GPC6: variants seen among roughly 807,000 people sequenced by gnomAD.
GPC6 encodes the protein glypican 6.
GPC6 carries 14 observed loss-of-function variants against 55.2 expected under a neutral mutation model. The observed-to-expected ratio is 0.25, with a 90% CI of 0.17 to 0.40. The LOEUF (loss-of-function observed/expected upper bound fraction) is 0.40. GPC6 is among the 10% of genes least tolerant of loss of function. The pLI, the probability that GPC6 is intolerant of heterozygous loss-of-function variation, is 1.00. For synonymous variants in GPC6, 278 were observed against 259.6 expected (o/e 1.07, Z -0.68); for missense variants, 641 against 708.5 (o/e 0.90, Z 1.08).
chr13:93,585,147 G>A (rs1431380255), intron 2 of GPC6, among the ~76,000 whole-genome samples: 1 of 152,184 alleles, frequency 6.6e-6, no homozygotes, highest in Non-Finnish European at 1.5e-5. Context: ...CAACCGATAT[G>A]TGATGTAGTT....
chr13:93,856,408 G>A (rs1888612619), intron 3 of GPC6, among the ~76,000 whole-genome samples: 1 of 151,470 alleles, frequency 6.6e-6, no homozygotes, highest in African/African-American at 2.4e-5. Flanking sequence ...CAGGTGCTGT[G>A]GTAGGCAGAG....
intron 6 of GPC6, among the ~76,000 whole-genome samples, chr13:94,350,321 C>G (rs1033077248): frequency 6.6e-6 from 1 of 152,090 alleles, no homozygotes; most frequent in African/African-American, 2.4e-5. Flanking sequence ...GGTGGACTAA[C>G]TTCATCAGAG....
chr13:93,949,082 C>T (rs540430854), intron 3 of GPC6, among the ~76,000 whole-genome samples: 5 of 152,220 alleles, frequency 3.3e-5, no homozygotes, highest in African/African-American at 1.2e-4. Flanking sequence ...GGGTCTTCTG[C>T]GTTGTTGGGA....
At chr13:94,339,254 A>AGAG (rs1351333878) in intron 6 of GPC6, among the ~76,000 whole-genome samples, 13 of 151,982 alleles carry the variant, frequency 8.6e-5, no homozygotes, top group Non-Finnish European at 1.5e-5. Flanking sequence ...TATAGAGACA[A>AGAG]GAGTTTTGCC....
At chr13:94,282,146 A>G (rs1318338011) in intron 4 of GPC6, among the ~76,000 whole-genome samples, 2 of 152,214 alleles carry the variant, frequency 1.3e-5, no homozygotes, top group African/African-American at 4.8e-5. Flanking sequence ...AAATCATGGT[A>G]CTGTGTGCAT....
chr13:93,536,138 A>C (rs1283070447), intron 1 of GPC6, among the ~76,000 whole-genome samples: 1 of 152,058 alleles, frequency 6.6e-6, no homozygotes, highest in Non-Finnish European at 1.5e-5. Flanking sequence ...GGCCTCTGTG[A>C]TTCTCAAGTC....
chr13:93,314,750 T>TGCGC (rs1331821835), intron 1 of GPC6, among the ~76,000 whole-genome samples: 33 of 104,872 alleles, frequency 3.1e-4, no homozygotes, highest in African/African-American at 1.3e-3. Context: ...TGTGTGTGTG[T>TGCGC]GTGTGTGCAC....
intron 4 of GPC6, among the ~76,000 whole-genome samples, chr13:94,083,783 C>T (rs1299856909): frequency 1.3e-5 from 2 of 152,216 alleles, no homozygotes; most frequent in African/African-American, 4.8e-5. Context: ...GATATCCCTG[C>T]ATTACAAGGG....
At chr13:94,043,186 G>A (rs1594690116) in intron 4 of GPC6, among the ~76,000 whole-genome samples, 1 of 151,878 alleles carries the variant, frequency 6.6e-6, no homozygotes, top group East Asian at 1.9e-4. Context: ...TCTCCGGGGA[G>A]CACTAGTTCC....
chr13:94,149,209 G>A (rs770764374), intron 4 of GPC6, among the ~76,000 whole-genome samples: 96 of 152,012 alleles, frequency 6.3e-4, no homozygotes, highest in Admixed American at 2.9e-3. Context: ...GAAAACATTT[G>A]GGTAGATGAA....
At chr13:93,810,980 C>A (rs910143714) in intron 2 of GPC6, among the ~76,000 whole-genome samples, 1 of 152,184 alleles carries the variant, frequency 6.6e-6, no homozygotes, top group African/African-American at 2.4e-5. Flanking sequence ...AATGTTTCCT[C>A]TTTCCATGAG....
At chr13:93,682,475 C>A (rs1161004753) in intron 2 of GPC6, among the ~76,000 whole-genome samples, 1 of 152,020 alleles carries the variant, frequency 6.6e-6, no homozygotes, top group Non-Finnish European at 1.5e-5. Flanking sequence ...TGCCAGCAAT[C>A]CCCAGTAGCT....
intron 1 of GPC6, among the ~76,000 whole-genome samples, chr13:93,490,440 T>G (rs1032963968): frequency 6.8e-6 from 1 of 147,036 alleles, no homozygotes; most frequent in Non-Finnish European, 1.5e-5. Context: ...TGTTTTGAAG[T>G]TGGTCCACTA....
chr13:93,545,821 AG>A, intron 2 of GPC6, among the ~76,000 whole-genome samples: 1 of 152,198 alleles, frequency 6.6e-6, no homozygotes, highest in Non-Finnish European at 1.5e-5. Context: ...TGAAGAGGAA[AG>A]GCTTGTTTTA....
At chr13:94,003,814 G>C (rs577984933) in intron 3 of GPC6, among the ~76,000 whole-genome samples, 2 of 152,174 alleles carry the variant, frequency 1.3e-5, no homozygotes, top group East Asian at 3.9e-4. Flanking sequence ...AAATTCAGAG[G>C]CTTCAAGAGG....
At chr13:93,989,368 GTAAT>G (rs1439206382) in intron 3 of GPC6, among the ~76,000 whole-genome samples, 1 of 152,148 alleles carries the variant, frequency 6.6e-6, no homozygotes, top group Non-Finnish European at 1.5e-5. Flanking sequence ...TTTGTGTTGA[GTAAT>G]TGTTACATAA....
chr13:93,517,626 G>A (rs1160779954), intron 1 of GPC6, among the ~76,000 whole-genome samples: 1 of 151,984 alleles, frequency 6.6e-6, no homozygotes, highest in African/African-American at 2.4e-5. Flanking sequence ...GACTTCAGTG[G>A]CTGTTGTAAT....
At chr13:93,676,142 T>A (rs1466406121) in intron 2 of GPC6, among the ~76,000 whole-genome samples, 16 of 10,182 alleles carry the variant, frequency 1.6e-3, no homozygotes, top group Admixed American at 3.2e-3. Flanking sequence ...TATATATATA[T>A]ATATATATAT....
intron 2 of GPC6, among the ~76,000 whole-genome samples, chr13:93,556,818 C>T (rs1875508962): frequency 6.6e-6 from 1 of 152,012 alleles, no homozygotes; most frequent in Admixed American, 6.6e-5. Flanking sequence ...TGTCTTTCTG[C>T]GCCTGGCTTA....
Sources: gnomAD v4.1 joint callset for allele counts (sites outside exome capture counted in the v4.1 genomes callset) on GRCh38, gnomAD v4.1.1 for gene constraint, MANE v1.5 for transcripts, NCBI Gene and HGNC (gene_info 2026-07-23, HGNC 2026-07-21) for gene names.